SELENOK: variants seen among roughly 807,000 people sequenced by gnomAD.
SELENOK encodes the protein selenoprotein K.
SELENOK carries 11 observed loss-of-function variants against 17.3 expected under a neutral mutation model. That is an observed-to-expected ratio of 0.63 (90% CI 0.40 to 1.05). SELENOK has a LOEUF of 1.05. Among genes scored for constraint, SELENOK ranks in the 50% least tolerant of loss-of-function variants. SELENOK has a pLI of 0.00. For synonymous variants in SELENOK, 45 were observed against 35.4 expected, an observed-to-expected ratio of 1.27 and a Z score of -0.97; for missense variants, 125 against 113.9, an observed-to-expected ratio of 1.10 and a Z score of -0.44.
At chr3:53,885,985 A>T in intron 3 of SELENOK, 73 bp from the exon 4 acceptor site, 1 of 978,788 alleles carries the variant, frequency 1.0e-6, no homozygotes, top group Non-Finnish European at 1.5e-6. Flanking sequence ...AAAGCACTCA[A>T]CTAGACCCTT....
At chr3:53,886,469 C>T (rs1181582283) in intron 3 of SELENOK, among the ~76,000 whole-genome samples, 6 of 152,084 alleles carry the variant, frequency 3.9e-5, no homozygotes, top group Non-Finnish European at 8.8e-5. Flanking sequence ...CTCTTGACCT[C>T]GTGATCCACC....
chr3:53,888,774 A>G (rs1279753097), intron 1 of SELENOK, among the ~76,000 whole-genome samples: 1 of 152,144 alleles, frequency 6.6e-6, no homozygotes, highest in East Asian at 1.9e-4. Context: ...TATATAACAA[A>G]GGCTGGGCGC....
At chr3:53,886,495 A>G (rs1700127882) in intron 3 of SELENOK, among the ~76,000 whole-genome samples, 1 of 152,114 alleles carries the variant, frequency 6.6e-6, no homozygotes. Context: ...CAGCCTCCCA[A>G]AGTGCTGGGA....
In SELENOK at chr3:53,891,813, G is replaced by A. The variant is rs747333770; in HGVS notation, c.-25C>T. 8.7e-6 allele frequency: 14 copies of A among 1,613,730 alleles called. No homozygotes were observed. In the African/African-American group the frequency reaches 1.5e-4, roughly 17 times the overall value. ...TCTTGTCCCACTTCCCCGCTTCGGA[G>A]CCACCGGGCGCCTGGCCCCTGTCGG... On this transcript the variant is annotated 5_prime_UTR_variant, in exon 1 of 5. Transcript: ENST00000495461.
rs893683647 is a variant in SELENOK, at chr3:53,884,573, G to A, written c.*985C>T. ...TGTGAAAGTTATCAGTATTCAGATG[G>A]AGTTTAAAGCCAATAGGCAGTATTT... On this transcript the variant is annotated 3_prime_UTR_variant, in exon 5 of 5. Coordinates refer to ENST00000495461, the MANE Select transcript of SELENOK (RefSeq NM_021237.5). The A allele has an allele frequency of 2.6e-5, 4 of 152,232 alleles. No homozygotes were observed. Among genetic ancestry groups the A allele is most frequent in the Admixed American group, 2.0e-4 (3 of 15,284 alleles). The allele number at this position is 152,232 out of a possible 1,614,324, so 9.4% of individuals were successfully genotyped here.
intron 1 of SELENOK, 50 bp downstream of exon 1, chr3:53,891,720 G>A (rs1272913417): frequency 6.2e-7 from 1 of 1,610,094 alleles, no homozygotes; most frequent in African/African-American, 1.3e-5. Flanking sequence ...GGAACCTGGA[G>A]TCCGATCTTA....
chr3:53,887,831 G>T (rs953091333), intron 2 of SELENOK, among the ~76,000 whole-genome samples: 8 of 152,212 alleles, frequency 5.3e-5, no homozygotes, highest in Non-Finnish European at 2.9e-5. Flanking sequence ...GAATAGGTAA[G>T]ACTTCTTAAT....
intron 3 of SELENOK, among the ~76,000 whole-genome samples, chr3:53,886,616 A>G (rs1283990319): frequency 6.6e-6 from 1 of 152,152 alleles, no homozygotes; most frequent in South Asian, 2.1e-4. Context: ...ATCAGTTTTC[A>G]CCCTCTAATT....
rs113658544 is a variant in SELENOK, at chr3:53,885,780, G to C, written c.281+46C>G. 5,145 of 1,467,632 alleles carry C rather than the reference G, an allele frequency of 3.5e-3. 139 individuals carry two copies. The African/African-American group carries it at 0.062, about 18-fold the overall frequency. 90.9% of individuals were successfully genotyped at this position (1,467,632 alleles called of 1,614,324 possible). A position where few individuals can be genotyped will look rare whatever the true frequency, so the allele number is the denominator to read the frequency against. On this transcript the variant is annotated intron_variant, in intron 4 of 4. Transcript: ENST00000495461. ...TTAAAGAAAACATTACTACAGAAGTGTTTTCAAAACAAAATCCTACAAAAG... is the reference window on the plus strand; with the variant it reads ...TTAAAGAAAACATTACTACAGAAGTCTTTTCAAAACAAAATCCTACAAAAG...
At chr3:53,886,490 TCC>T (rs1700127789) in intron 3 of SELENOK, among the ~76,000 whole-genome samples, 1 of 152,180 alleles carries the variant, frequency 6.6e-6, no homozygotes, top group Non-Finnish European at 1.5e-5. Flanking sequence ...CGCCTCAGCC[TCC>T]CAAAGTGCTG....
In SELENOK at chr3:53,888,375, G is replaced by C. The variant is rs1432583571; in HGVS notation, c.110+18C>G. Reference sequence around the variant, plus strand: ...TCAACTTAAATATCAGGGCAATTAAGAGCTCTTCTATACTTACAACAAAAC... The same window carrying C: ...TCAACTTAAATATCAGGGCAATTAACAGCTCTTCTATACTTACAACAAAAC... On this transcript the variant is annotated intron_variant, in intron 2 of 4. Coordinates refer to ENST00000495461, the MANE Select transcript of SELENOK (RefSeq NM_021237.5). 1 of 1,518,190 alleles carries C rather than the reference G, an allele frequency of 6.6e-7. No homozygotes were observed. The highest frequency in any genetic ancestry group is 1.1e-5 in the South Asian group (1 of 88,964). The allele number at this position is 1,518,190 out of a possible 1,614,324, so 94.0% of individuals were successfully genotyped here. A position where few individuals can be genotyped will look rare whatever the true frequency, so the allele number is the denominator to read the frequency against.
In SELENOK at chr3:53,885,910, G is replaced by A; in HGVS notation, c.197C>T (p.Pro66Leu). 8 of 1,512,484 alleles carry A rather than the reference G, an allele frequency of 5.3e-6. No homozygotes were observed. Among genetic ancestry groups the A allele is most frequent in the Admixed American group, 2.6e-5 (1 of 38,044 alleles). 93.7% of individuals were successfully genotyped at this position (1,512,484 alleles called of 1,614,324 possible). A position where few individuals can be genotyped will look rare whatever the true frequency, so the allele number is the denominator to read the frequency against. The change falls in exon 4 of 5, where the codon CCA (proline) becomes CTA (leucine). Residue 66 changes from proline (P) to leucine (L), a missense_variant and splice_region_variant. Coordinates refer to ENST00000495461, the MANE Select transcript of SELENOK (RefSeq NM_021237.5). ...SDSRYDDGRGPPGNPPRRMGR... is the reference protein window; with the variant it reads ...SDSRYDDGRGLPGNPPRRMGR... Reference sequence around the variant, plus strand: ...CATTCTTCGGGGAGGGTTTCCTGGTGGCCTAATAAAATAAAAAGTTAGTAT... The same window carrying A: ...CATTCTTCGGGGAGGGTTTCCTGGTAGCCTAATAAAATAAAAAGTTAGTAT...
At chr3:53,890,908 T>C (rs142845772) in intron 1 of SELENOK, 2 of 152,382 alleles carry the variant, frequency 1.3e-5, no homozygotes, top group Admixed American at 6.5e-5. Context: ...TTGTTAAGAC[T>C]GTACCAAAGA....
At position 53,886,854 on chromosome 3, in the gene SELENOK, C is replaced by T; in HGVS notation, c.191G>A (p.Arg64Lys). 3 of 1,550,450 alleles carry T rather than the reference C, an allele frequency of 1.9e-6. No homozygotes were observed. The highest frequency in any genetic ancestry group is 2.6e-6 in the Non-Finnish European group (3 of 1,143,226). Reference protein sequence around the residue: ...NSSDSRYDDGRGPPGNPPRRM... With the variant: ...NSSDSRYDDGKGPPGNPPRRM... The stretch of plus-strand genomic sequence containing the variant: ...TTATCAATTTAAAAAGCTGTACCCT[C>T]TTCCATCATCATATCTGGAATCAGA... The change falls in exon 3 of 5, where the codon AGA becomes AAA. Residue 64 changes from arginine to lysine, a missense_variant. Coordinates refer to ENST00000495461, the MANE Select transcript of SELENOK (RefSeq NM_021237.5).
intron 1 of SELENOK, chr3:53,890,817 CACTG>C (rs1339986206): frequency 6.6e-6 from 1 of 152,216 alleles, no homozygotes; most frequent in African/African-American, 2.4e-5. Context: ...GAAGGCTCCT[CACTG>C]ACTACCTTAC....
At position 53,885,532 on chromosome 3, in the gene SELENOK, G is replaced by C. The variant is rs778750581; in HGVS notation, c.*26C>G. The C allele has an allele frequency of 1.2e-6, 2 of 1,605,928 alleles. No individual in the cohort carries two copies. The highest frequency in any genetic ancestry group is 2.7e-5 in the African/African-American group (2 of 74,486). On this transcript the variant is annotated 3_prime_UTR_variant, in exon 5 of 5. Coordinates refer to ENST00000495461, the MANE Select transcript of SELENOK (RefSeq NM_021237.5). ...CCTTCTGCTATGAATGCGCATGTCC[G>C]GTTGTCTGCTTCTTAGAGCAGACAT... is the stretch of plus-strand genomic sequence containing the variant.
In SELENOK at chr3:53,885,045, A is replaced by G. The variant is rs569197857; in HGVS notation, c.*513T>C. The stretch of plus-strand genomic sequence containing the variant: ...TTTGGTAGCAAATTAGACACAGTGT[A>G]TTAAAGATTGATGAGACAAATATGT... On this transcript the variant is annotated 3_prime_UTR_variant, in exon 5 of 5. Coordinates refer to ENST00000495461, the MANE Select transcript of SELENOK (RefSeq NM_021237.5). 2 of 152,464 alleles carry G rather than the reference A, an allele frequency of 1.3e-5. No individual in the cohort carries two copies. The highest frequency in any genetic ancestry group is 1.9e-4 in the East Asian group (1 of 5,196). The allele number at this position is 152,464 out of a possible 1,614,324, so 9.4% of individuals were successfully genotyped here.
intron 1 of SELENOK, among the ~76,000 whole-genome samples, chr3:53,890,754 G>T (rs1031744982): frequency 2.0e-5 from 3 of 152,228 alleles, no homozygotes; most frequent in African/African-American, 2.4e-5. Context: ...TTAAGTGGGA[G>T]ATGAGAAGGG....
At chr3:53,887,844 T>C (rs1408609886) in intron 2 of SELENOK, among the ~76,000 whole-genome samples, 1 of 152,232 alleles carries the variant, frequency 6.6e-6, no homozygotes, top group East Asian at 1.9e-4. Flanking sequence ...TTCTTAATTA[T>C]TGATGAACAA....
Sources: gnomAD v4.1 joint callset for allele counts (sites outside exome capture counted in the v4.1 genomes callset) on GRCh38, gnomAD v4.1.1 for gene constraint, MANE v1.5 for transcripts, NCBI Gene and HGNC (gene_info 2026-07-23, HGNC 2026-07-21) for gene names.